The following DNAI3 variants were observed in gnomAD, a reference collection of about 807,000 sequenced individuals.
DNAI3 encodes the protein WD repeat domain 63.
A neutral mutation model predicts 115.5 loss-of-function variants in DNAI3; 83 were observed. The observed-to-expected ratio is 0.72, with a 90% CI of 0.60 to 0.86. The LOEUF (loss-of-function observed/expected upper bound fraction) is 0.86, where lower values mean the gene tolerates loss of function less well. DNAI3 is among the 40% of genes least tolerant of loss of function. DNAI3 has a pLI of 0.00. For missense variants in DNAI3, 1,004 were observed against 1,075.8 expected (o/e 0.93, Z 0.93); for synonymous variants, 320 against 347.0 (o/e 0.92, Z 0.86).
At chr1:85,078,372 A>C (rs1654528435) in intron 3 of DNAI3, among the ~76,000 whole-genome samples, 1 of 152,238 alleles carries the variant, frequency 6.6e-6, no homozygotes, top group Admixed American at 6.5e-5. Flanking sequence ...AGTGCTTAAA[A>C]CTGTGCCTGG....
chr1:85,089,733 G>A (rs1654916997), intron 7 of DNAI3, among the ~76,000 whole-genome samples: 1 of 151,886 alleles, frequency 6.6e-6, no homozygotes, highest in South Asian at 2.1e-4. Flanking sequence ...ATGAGGGGGT[G>A]AGGTGGACAC....
chr1:85,086,099 T>C, intron 7 of DNAI3, 69 bp downstream of exon 7: 1 of 1,399,204 alleles, frequency 7.1e-7, no homozygotes, highest in Non-Finnish European at 9.9e-7. Flanking sequence ...TCCATTATTA[T>C]TTTGAGAGCT....
intron 16 of DNAI3, among the ~76,000 whole-genome samples, chr1:85,111,078 C>G (rs1655647546): frequency 6.6e-6 from 1 of 152,100 alleles, no homozygotes; most frequent in Non-Finnish European, 1.5e-5. Context: ...GAAATATTTC[C>G]CAAACATTCG....
intron 3 of DNAI3, among the ~76,000 whole-genome samples, chr1:85,077,750 G>A (rs1473569612): frequency 6.6e-6 from 1 of 152,042 alleles, no homozygotes; most frequent in African/African-American, 2.4e-5. Context: ...TATCTTGATT[G>A]TGGTAATGGC....
chr1:85,098,566 G>A lies in DNAI3; in HGVS notation c.1387G>A (p.Ala463Thr), dbSNP rs754663652. The A allele has an allele frequency of 1.2e-6, 2 of 1,613,154 alleles. No individual in the cohort carries two copies. Among genetic ancestry groups the A allele is most frequent in the South Asian group, 1.1e-5 (1 of 90,750 alleles). The change falls in exon 13 of 23, where the codon GCA becomes ACA. Residue 463 changes from alanine (A) to threonine (T), a missense_variant. Transcript: ENST00000294664. The stretch of plus-strand genomic sequence containing the variant: ...CCTTGAACCGGAGAGTAATAAAGAA[G>A]CAATGTATATCAGACACTGTGCAGT... ...FLLEPESNKE[A>T]MYIRHCAVSS...
chr1:85,093,877 AG>A, intron 9 of DNAI3: 1 of 642,304 alleles, frequency 1.6e-6, no homozygotes, highest in South Asian at 1.5e-5. Flanking sequence ...AAAGGACCCA[AG>A]CTCAACTCAG....
Position 85,126,522 on chromosome 1 carries a change from C to T in DNAI3, c.2124C>T (p.Leu708=). 6.2e-7 allele frequency: 1 copy of T among 1,613,674 alleles called. No individual in the cohort carries two copies. The highest frequency in any genetic ancestry group is 1.3e-5 in the African/African-American group (1 of 75,026). ...IWKEGVMTGP[L]LQSCCAPKRY... ...AAATTTGTTTAAAGACTGGACCGCT[C>T]CTTCAGTCATGCTGTGCACCAAAAA... Residue 708 remains leucine (L), a synonymous_variant, in exon 20 of 23, where the codon CTC becomes CTT. Coordinates refer to ENST00000294664, the MANE Select transcript of DNAI3 (RefSeq NM_145172.5).
At chr1:85,130,811 C>T (rs188100256) in intron 22 of DNAI3, among the ~76,000 whole-genome samples, 42 of 152,204 alleles carry the variant, frequency 2.8e-4, no homozygotes, top group African/African-American at 9.2e-4. Flanking sequence ...GAATTTGGTA[C>T]AGGGCACATC....
intron 18 of DNAI3, among the ~76,000 whole-genome samples, chr1:85,122,019 T>C (rs190436366): frequency 1.3e-5 from 2 of 152,322 alleles, no homozygotes; most frequent in Non-Finnish European, 2.9e-5. Flanking sequence ...AAATCTTAGA[T>C]CCTACGCCAG....
Position 85,085,974 on chromosome 1 carries a change from A to C in DNAI3, c.684A>C (p.Lys228Asn). ...DKNFTLKQLE[K>N]DVGMQVIPQI... ...ATTTTACCCTTAAACAACTTGAAAAAGATGTTGGCATGCAAGTAATCCCCC... is the reference window on the plus strand; with the variant it reads ...ATTTTACCCTTAAACAACTTGAAAACGATGTTGGCATGCAAGTAATCCCCC... Residue 228 changes from lysine to asparagine, a missense_variant, in exon 7 of 23, where the codon AAA becomes AAC. Physicochemically the swap from Lys to Asn is moderately conservative, Grantham distance 94. Transcript: ENST00000294664. 3 of 1,614,190 alleles carry C rather than the reference A, an allele frequency of 1.9e-6. No individual in the cohort carries two copies. The highest frequency in any genetic ancestry group is 2.5e-6 in the Non-Finnish European group (3 of 1,180,020).
intron 17 of DNAI3, among the ~76,000 whole-genome samples, chr1:85,119,808 C>G (rs529034104): frequency 6.6e-6 from 1 of 152,300 alleles, no homozygotes; most frequent in Non-Finnish European, 1.5e-5. Flanking sequence ...AGCAATTCCC[C>G]TGCCTCAGCC....
At chr1:85,103,012 G>A (rs1655371517) in intron 13 of DNAI3, among the ~76,000 whole-genome samples, 1 of 152,120 alleles carries the variant, frequency 6.6e-6, no homozygotes, top group Non-Finnish European at 1.5e-5. Context: ...GGAATGAGTG[G>A]AAGTTGGTAG....
At chr1:85,097,998 C>T (rs1279933222) in intron 12 of DNAI3, among the ~76,000 whole-genome samples, 4 of 152,216 alleles carry the variant, frequency 2.6e-5, no homozygotes, top group South Asian at 2.1e-4. Context: ...GGCTGTGGAC[C>T]GTAGTCCTGT....
At chr1:85,105,276 T>C (rs1655449913) in intron 14 of DNAI3, among the ~76,000 whole-genome samples, 1 of 152,118 alleles carries the variant, frequency 6.6e-6, no homozygotes, top group Non-Finnish European at 1.5e-5. Flanking sequence ...TGATTAATCC[T>C]GTGAGCATGT....
intron 3 of DNAI3, among the ~76,000 whole-genome samples, chr1:85,080,262 A>G (rs1007507377): frequency 5.2e-4 from 79 of 152,012 alleles, no homozygotes; most frequent in African/African-American, 1.9e-3. Flanking sequence ...TGTATTAGCC[A>G]GGATGGTCTC....
chr1:85,119,947 G>A (rs1374987291), intron 17 of DNAI3, among the ~76,000 whole-genome samples: 4 of 152,252 alleles, frequency 2.6e-5, no homozygotes, highest in Admixed American at 6.5e-5. Context: ...TGATCCGCTC[G>A]CCTTGGACTC....
intron 5 of DNAI3, among the ~76,000 whole-genome samples, chr1:85,082,769 G>T (rs886642892): frequency 6.6e-6 from 1 of 152,134 alleles, no homozygotes; most frequent in African/African-American, 2.4e-5. Flanking sequence ...CCCAGATCGG[G>T]TTCTGGCACC....
rs199712026 is a variant in DNAI3, at chr1:85,093,555, G to A, written c.955G>A (p.Asp319Asn). 4.4e-5 allele frequency: 71 copies of A among 1,613,980 alleles called. No homozygotes were observed. Among genetic ancestry groups the A allele is most frequent in the South Asian group, 1.4e-4 (13 of 91,080 alleles). ...AGAAGGCACCTTTGGGGACAAGACCGATACCCACCTGAAAGAGTACCAGTC... is the reference window on the plus strand; with the variant it reads ...AGAAGGCACCTTTGGGGACAAGACCAATACCCACCTGAAAGAGTACCAGTC... Reference protein sequence around the residue: ...EEEGTFGDKTDTHLKEYQSFT... With the variant: ...EEEGTFGDKTNTHLKEYQSFT... Residue 319 changes from aspartate to asparagine, a missense_variant, in exon 9 of 23, where the codon GAT becomes AAT. Transcript: ENST00000294664.
chr1:85,130,275 G>T (rs1248625402), intron 22 of DNAI3, 163 bp downstream of exon 22: 1 of 1,021,534 alleles, frequency 9.8e-7, no homozygotes, highest in Non-Finnish European at 1.4e-6. Context: ...CTAGCTCACT[G>T]CCAGTTAGAC....
Sources: allele counts gnomAD v4.1 joint callset (sites outside exome capture counted in the v4.1 genomes callset), GRCh38; gene constraint gnomAD v4.1.1; transcripts MANE v1.5; gene names NCBI Gene and HGNC (gene_info 2026-07-23, HGNC 2026-07-21).